The following TAF3 variants were observed in gnomAD, a reference collection of about 807,000 sequenced individuals.
The protein encoded by TAF3 is TATA-box binding protein associated factor 3, also known as transcription initiation factor TFIID subunit 3.
A neutral mutation model predicts 80.6 loss-of-function variants in TAF3; 7 were observed. That is an observed-to-expected ratio of 0.09 (90% CI 0.05 to 0.16). The LOEUF (loss-of-function observed/expected upper bound fraction) is 0.16, where lower values mean the gene tolerates loss of function less well. Among genes scored for constraint, TAF3 ranks in the 10% least tolerant of loss-of-function variants. TAF3 has a pLI of 1.00. For synonymous variants in TAF3, 444 were observed against 446.1 expected (o/e 1.00, Z 0.06); for missense variants, 921 against 1,140.2 (o/e 0.81, Z 2.77).
intron 2 of TAF3, among the ~76,000 whole-genome samples, chr10:7,839,818 A>G (rs982825062): frequency 6.6e-6 from 1 of 152,136 alleles, no homozygotes; most frequent in East Asian, 1.9e-4. Flanking sequence ...GATCTTTTAG[A>G]AATCTCTGTG....
intron 2 of TAF3, among the ~76,000 whole-genome samples, chr10:7,887,265 A>G (rs1446218465): frequency 6.6e-6 from 1 of 151,722 alleles, no homozygotes. Context: ...AAGCTGGTTA[A>G]GGAAATGATG....
chr10:8,013,899 G>C (rs542282305), intron 6 of TAF3, 62 bp downstream of exon 6: 2 of 1,392,034 alleles, frequency 1.4e-6, no homozygotes, highest in South Asian at 2.3e-5. Context: ...CTCCTGAGAT[G>C]AAGCATCCAC....
At chr10:7,970,748 C>A (rs74123827) in intron 3 of TAF3, among the ~76,000 whole-genome samples, 3,023 of 152,196 alleles carry the variant, frequency 0.02, 109 homozygotes, top group African/African-American at 0.069. Context: ...TTTCTTTATC[C>A]CCAAGTCCTG....
At chr10:7,854,656 T>TGG (rs375461131) in intron 2 of TAF3, among the ~76,000 whole-genome samples, 10 of 16,796 alleles carry the variant, frequency 6.0e-4, no homozygotes, top group African/African-American at 2.0e-3. Flanking sequence ...AGCCCTCTAA[T>TGG]GGGGGGGCGG....
At chr10:7,927,172 T>C (rs189485381) in intron 2 of TAF3, among the ~76,000 whole-genome samples, 3 of 152,356 alleles carry the variant, frequency 2.0e-5, no homozygotes, top group Admixed American at 2.0e-4. Context: ...TCATCTTTCA[T>C]GTCCATGAGT....
chr10:7,963,931 G>C lies in TAF3; in HGVS notation c.421G>C (p.Glu141Gln). The change falls in exon 3 of 7, where the codon GAG becomes CAG. Residue 141 changes from glutamate (E) to glutamine (Q), a missense_variant. Transcript: ENST00000344293. ...TCTTCCTTTACCAGAAGAAGAAGAA[G>C]AGCAGGTGCCCACTGATGGAGGCAC... ...IVSSQEEEEEEQVPTDGGTSA... is the reference protein window; with the variant it reads ...IVSSQEEEEEQQVPTDGGTSA... The C allele has an allele frequency of 6.3e-7, 1 of 1,576,148 alleles. No homozygotes were observed. The highest frequency in any genetic ancestry group is 2.3e-5 in the East Asian group (1 of 44,220).
chr10:7,846,416 T>C (rs1213886443), intron 2 of TAF3, among the ~76,000 whole-genome samples: 1 of 152,224 alleles, frequency 6.6e-6, no homozygotes, highest in African/African-American at 2.4e-5. Flanking sequence ...GCATTTGTGA[T>C]TTTTAGTTCT....
At chr10:7,983,508 CT>C (rs1442805752) in intron 4 of TAF3, among the ~76,000 whole-genome samples, 1 of 152,122 alleles carries the variant, frequency 6.6e-6, no homozygotes, top group Non-Finnish European at 1.5e-5. Flanking sequence ...CTTGGAAGGC[CT>C]TTTGCTTTTC....
At chr10:7,901,801 T>C (rs1246663459) in intron 2 of TAF3, among the ~76,000 whole-genome samples, 1 of 152,222 alleles carries the variant, frequency 6.6e-6, no homozygotes, top group Non-Finnish European at 1.5e-5. Context: ...GCTGTGACGG[T>C]CACATTTAAA....
chr10:7,836,463 G>A (rs931144384), intron 2 of TAF3, among the ~76,000 whole-genome samples: 13 of 151,946 alleles, frequency 8.6e-5, no homozygotes, highest in African/African-American at 2.7e-4. Flanking sequence ...CAGTAGAGAC[G>A]GGGTTTCTCC....
chr10:7,867,062 G>C (rs2778476), intron 2 of TAF3, among the ~76,000 whole-genome samples: 1 of 152,040 alleles, frequency 6.6e-6, no homozygotes, highest in Non-Finnish European at 1.5e-5. Flanking sequence ...AGTCTGAGAC[G>C]AGCCTGGTGA....
intron 5 of TAF3, among the ~76,000 whole-genome samples, chr10:8,012,085 G>A (rs1832061513): frequency 6.6e-6 from 1 of 152,114 alleles, no homozygotes; most frequent in African/African-American, 2.4e-5. Context: ...GCTGAGCTGG[G>A]AAGATCACCT....
At chr10:7,949,190 A>C (rs577976445) in intron 2 of TAF3, among the ~76,000 whole-genome samples, 1 of 152,358 alleles carries the variant, frequency 6.6e-6, no homozygotes, top group African/African-American at 2.4e-5. Context: ...CATCACAGAG[A>C]AAGAGGAAGG....
intron 2 of TAF3, among the ~76,000 whole-genome samples, chr10:7,834,990 G>A (rs1026449105): frequency 1.3e-5 from 2 of 152,070 alleles, no homozygotes; most frequent in East Asian, 3.8e-4. Context: ...GAACATTATA[G>A]GTTCATCAGT....
At chr10:7,938,585 A>G (rs1192272406) in intron 2 of TAF3, among the ~76,000 whole-genome samples, 1 of 152,206 alleles carries the variant, frequency 6.6e-6, no homozygotes, top group East Asian at 1.9e-4. Flanking sequence ...AGCCTCCTTT[A>G]ACAGAGAAAT....
At chr10:7,863,640 T>C (rs1291209903) in intron 2 of TAF3, among the ~76,000 whole-genome samples, 2 of 110,662 alleles carry the variant, frequency 1.8e-5, no homozygotes, top group African/African-American at 3.4e-5. Flanking sequence ...TATATATATA[T>C]ATATATACAC....
In TAF3 at chr10:7,868,189, G is replaced by A. The variant is rs149773235; in HGVS notation, c.409+43629G>A. ...GGGTCAACTGTATTGTTTGACAAGC[G>A]AGATGTTCTGAAATAAGAATAATAG... On this transcript the variant is annotated intron_variant, in intron 2 of 6. Transcript: ENST00000344293. Among the ~76,000 whole-genome samples the A allele has an allele frequency of 7.2e-5, 11 of 152,278 alleles. No individual in the cohort carries two copies. In the East Asian group the frequency reaches 1.5e-3, roughly 21 times the overall value.
chr10:7,998,077 T>C (rs1455601542), intron 4 of TAF3, among the ~76,000 whole-genome samples: 1 of 151,816 alleles, frequency 6.6e-6, no homozygotes, highest in Non-Finnish European at 1.5e-5. Context: ...TCCAGTGAAT[T>C]TTCTCTTGAA....
At chr10:7,911,011 G>T (rs539507913) in intron 2 of TAF3, among the ~76,000 whole-genome samples, 25 of 152,220 alleles carry the variant, frequency 1.6e-4, no homozygotes, top group Admixed American at 2.6e-4. Flanking sequence ...TATTTTATTT[G>T]CCACATTCTT....
Sources: allele counts gnomAD v4.1 joint callset (sites outside exome capture counted in the v4.1 genomes callset), GRCh38; gene constraint gnomAD v4.1.1; transcripts MANE v1.5; gene names NCBI Gene and HGNC (gene_info 2026-07-23, HGNC 2026-07-21).